PRKG1: variants seen among roughly 807,000 people sequenced by gnomAD.
PRKG1 encodes the protein protein kinase cGMP-dependent 1.
In PRKG1, 35 loss-of-function variants were observed where a neutral mutation model predicts 88.1. The observed-to-expected ratio is 0.40, with a 90% CI of 0.30 to 0.53. The LOEUF (loss-of-function observed/expected upper bound fraction) is 0.53. PRKG1 is among the 20% of genes least tolerant of loss of function. The pLI is 0.59. For missense variants in PRKG1, 540 were observed against 839.8 expected, an observed-to-expected ratio of 0.64 and a Z score of 4.41; for synonymous variants, 303 against 292.5, an observed-to-expected ratio of 1.04 and a Z score of -0.37.
intron 3 of PRKG1, among the ~76,000 whole-genome samples, chr10:51,789,235 G>A (rs143702696): frequency 1.1e-4 from 16 of 152,304 alleles, no homozygotes; most frequent in African/African-American, 3.1e-4. Context: ...GCACAGATGT[G>A]CAATGACATT....
chr10:51,587,467 T>A (rs1838202045), intron 3 of PRKG1, among the ~76,000 whole-genome samples: 1 of 152,168 alleles, frequency 6.6e-6, no homozygotes, highest in Non-Finnish European at 1.5e-5. Context: ...GAGTCTATGT[T>A]TTTAAGTTAA....
chr10:51,665,474 A>C (rs1840400415), intron 3 of PRKG1, among the ~76,000 whole-genome samples: 1 of 152,152 alleles, frequency 6.6e-6, no homozygotes, highest in South Asian at 2.1e-4. Context: ...TATGATCAGT[A>C]AACTATTATC....
intron 2 of PRKG1, among the ~76,000 whole-genome samples, chr10:51,401,105 AT>A (rs1837726364): frequency 6.6e-6 from 1 of 152,236 alleles, no homozygotes; most frequent in Admixed American, 6.5e-5. Flanking sequence ...ACACTATAAA[AT>A]TTTTTAAAAG....
intron 3 of PRKG1, among the ~76,000 whole-genome samples, chr10:51,525,976 T>C (rs961048385): frequency 1.3e-5 from 2 of 151,954 alleles, no homozygotes; most frequent in African/African-American, 2.4e-5. Flanking sequence ...CAGCTACTCA[T>C]GTCCAGCTAA....
chr10:51,112,451 A>G (rs1845000644), intron 1 of PRKG1, among the ~76,000 whole-genome samples: 1 of 152,146 alleles, frequency 6.6e-6, no homozygotes, highest in African/African-American at 2.4e-5. Flanking sequence ...CTAAAAATAA[A>G]TATTATATAT....
intron 2 of PRKG1, among the ~76,000 whole-genome samples, chr10:51,236,565 T>C (rs1399447164): frequency 6.6e-6 from 1 of 151,700 alleles, no homozygotes; most frequent in Admixed American, 6.6e-5. Context: ...TGCAGTGGCA[T>C]GATCTTGGCT....
At chr10:51,252,717 C>T (rs1217033096) in intron 2 of PRKG1, among the ~76,000 whole-genome samples, 1 of 151,764 alleles carries the variant, frequency 6.6e-6, no homozygotes, top group Non-Finnish European at 1.5e-5. Flanking sequence ...AATCCAACCT[C>T]TTAGCTGCTT....
chr10:52,080,076 C>G (rs12769133), intron 7 of PRKG1, among the ~76,000 whole-genome samples: 29,170 of 151,996 alleles, frequency 0.19, 3,490 homozygotes, highest in South Asian at 0.33. Flanking sequence ...AGCTCCAAAT[C>G]TACTTCTTTG....
chr10:51,065,835 A>C (rs2132789643), intron 1 of PRKG1, among the ~76,000 whole-genome samples: 1 of 152,262 alleles, frequency 6.6e-6, no homozygotes, highest in Middle Eastern at 3.4e-3. Flanking sequence ...CTATCTAACA[A>C]ATATTTATGC....
intron 9 of PRKG1, among the ~76,000 whole-genome samples, chr10:52,171,907 A>G (rs547310537): frequency 1.0e-3 from 142 of 139,686 alleles, no homozygotes; most frequent in African/African-American, 3.6e-3. Flanking sequence ...GGTTCACGCC[A>G]TTCTCCTGCC....
intron 1 of PRKG1, among the ~76,000 whole-genome samples, chr10:51,111,834 A>G (rs1392136603): frequency 6.6e-6 from 1 of 152,170 alleles, no homozygotes; most frequent in Non-Finnish European, 1.5e-5. Flanking sequence ...AGAAAACTGC[A>G]GAGCCAAGAA....
intron 3 of PRKG1, among the ~76,000 whole-genome samples, chr10:51,676,250 G>T (rs149402998): frequency 8.6e-5 from 13 of 151,618 alleles, no homozygotes; most frequent in Non-Finnish European, 1.9e-4. Flanking sequence ...CTTCAGTTAC[G>T]CTCACCACAT....
intron 5 of PRKG1, among the ~76,000 whole-genome samples, chr10:52,004,210 G>A (rs2879631): frequency 0.02 from 3,071 of 152,174 alleles, 108 homozygotes; most frequent in African/African-American, 0.07. Context: ...TAAACTCCGG[G>A]ATGGCAGGTA....
intron 1 of PRKG1, among the ~76,000 whole-genome samples, chr10:51,057,883 T>C (rs1272208122): frequency 2.0e-5 from 3 of 152,152 alleles, no homozygotes; most frequent in Non-Finnish European, 4.4e-5. Flanking sequence ...TCCTTAGGAT[T>C]GGACTTTCTA....
At chr10:51,827,053 A>G (rs1326725835) in intron 4 of PRKG1, among the ~76,000 whole-genome samples, 2 of 152,178 alleles carry the variant, frequency 1.3e-5, no homozygotes, top group African/African-American at 2.4e-5. Flanking sequence ...CTGATGAATT[A>G]TTTTAACTTG....
chr10:51,890,167 T>G (rs1029941453), intron 4 of PRKG1, among the ~76,000 whole-genome samples: 12 of 152,240 alleles, frequency 7.9e-5, no homozygotes, highest in African/African-American at 2.9e-4. Context: ...GCCTAGGTTT[T>G]CTTCTAGGGT....
At chr10:52,065,428 T>A (rs12244379) in intron 7 of PRKG1, among the ~76,000 whole-genome samples, 18,439 of 152,114 alleles carry the variant, frequency 0.12, 2,091 homozygotes, top group East Asian at 0.48. Context: ...AATTACATTA[T>A]GAGCCTTTTT....
rs145851275 is a variant in PRKG1 at position 52,004,009 on chromosome 10, G to A, written c.763-50475G>A. 1.4e-4 allele frequency among the ~76,000 whole-genome samples: 21 copies of A among 152,004 alleles called. No individual in the cohort carries two copies. In the East Asian group the frequency reaches 3.5e-3, roughly 25 times the overall value. On this transcript the variant is annotated intron_variant, in intron 5 of 17. Transcript: ENST00000373980. ...ATAACTGTCTAGGTTATAAGATTATGAGAGTTGAATGTATATATAATGTTT... is the reference window on the plus strand; with the variant it reads ...ATAACTGTCTAGGTTATAAGATTATAAGAGTTGAATGTATATATAATGTTT...
intron 2 of PRKG1, among the ~76,000 whole-genome samples, chr10:51,434,422 G>A (rs906699657): frequency 1.3e-5 from 2 of 152,060 alleles, no homozygotes; most frequent in Non-Finnish European, 2.9e-5. Flanking sequence ...AGTAGAGAGT[G>A]GAAATTGTTC....
Sources: allele counts gnomAD v4.1 joint callset (sites outside exome capture counted in the v4.1 genomes callset), GRCh38; gene constraint gnomAD v4.1.1; transcripts MANE v1.5; gene names NCBI Gene and HGNC (gene_info 2026-07-23, HGNC 2026-07-21).